ATF6: variants seen among roughly 807,000 people sequenced by gnomAD.
The protein encoded by ATF6 is activating transcription factor 6, also known as cyclic AMP-dependent transcription factor ATF-6 alpha.
ATF6 carries 53 observed loss-of-function variants against 83.6 expected under a neutral mutation model. That is an observed-to-expected ratio of 0.63 (90% CI 0.51 to 0.80). The LOEUF (loss-of-function observed/expected upper bound fraction) is 0.80. ATF6 is among the 30% of genes least tolerant of loss of function. ATF6 has a pLI of 0.00. For missense variants in ATF6, 744 were observed against 797.9 expected (o/e 0.93, Z 0.81); for synonymous variants, 288 against 285.8 (o/e 1.01, Z -0.08).
At chr1:161,848,880 T>G (rs1294597962) in intron 10 of ATF6, among the ~76,000 whole-genome samples, 2 of 152,102 alleles carry the variant, frequency 1.3e-5, no homozygotes, top group African/African-American at 4.8e-5. Flanking sequence ...TGGCTGATTT[T>G]CTCTCTCCTT....
chr1:161,907,874 A>C (rs983147683), intron 14 of ATF6, among the ~76,000 whole-genome samples: 1 of 152,200 alleles, frequency 6.6e-6, no homozygotes, highest in Admixed American at 6.5e-5. Context: ...ATCAGCAACC[A>C]TAATTTCCAG....
rs778818481 is a variant in ATF6 at position 161,783,979 on chromosome 1, A to C, written c.248-11A>C. 1.3e-6 allele frequency: 2 copies of C among 1,574,174 alleles called. No homozygotes were observed. Among genetic ancestry groups the C allele is most frequent in the Admixed American group, 3.4e-5 (2 of 59,536 alleles). On this transcript the variant is annotated splice_polypyrimidine_tract_variant and intron_variant, in intron 3 of 15. Transcript: ENST00000367942. The stretch of plus-strand genomic sequence containing the variant: ...GTCCAGTGGGTAAAACCTTTCCTCC[A>C]TGTTTTCCAGTTAAAGATATTAAGG...
Position 161,960,082 on chromosome 1 carries a change from C to T in ATF6, c.*1428C>T, listed in dbSNP as rs1463192467. 2.7e-5 allele frequency: 2 copies of T among 74,892 alleles called. No homozygotes were observed. The highest frequency in any genetic ancestry group is 5.9e-5 in the Non-Finnish European group (2 of 33,954). The allele number at this position is 74,892 out of a possible 1,614,324, so 4.6% of individuals were successfully genotyped here. ...GAAGGAATTAAATCTTTTGTCCTCC[C>T]ATGGTTAAAAAAAAAAAAAAAGCTG... is the stretch of plus-strand genomic sequence containing the variant. On this transcript the variant is annotated 3_prime_UTR_variant, in exon 16 of 16. Transcript: ENST00000367942.
intron 1 of ATF6, among the ~76,000 whole-genome samples, chr1:161,769,357 G>T (rs1426084022): frequency 6.6e-6 from 1 of 152,152 alleles, no homozygotes; most frequent in Non-Finnish European, 1.5e-5. Context: ...GTAACATCTT[G>T]CATTAGTGTG....
chr1:161,926,064 C>A (rs1345274611), intron 15 of ATF6, among the ~76,000 whole-genome samples: 1 of 152,064 alleles, frequency 6.6e-6, no homozygotes, highest in Non-Finnish European at 1.5e-5. Flanking sequence ...TAATGGGGAA[C>A]TATTAAAATA....
chr1:161,885,615 A>C (rs770668047), intron 14 of ATF6, among the ~76,000 whole-genome samples: 10 of 152,080 alleles, frequency 6.6e-5, no homozygotes, highest in Non-Finnish European at 1.5e-4. Context: ...TTTTCAGAGG[A>C]AAAAAGAAAA....
chr1:161,960,833 C>A lies in ATF6; in HGVS notation c.*2179C>A, dbSNP rs1238926579. ...CTTATCATGGGATATTTCTTCTGGC[C>A]CTGCCCCTTCCCATTCTGTAATGTG... On this transcript the variant is annotated 3_prime_UTR_variant, in exon 16 of 16. Coordinates refer to ENST00000367942, the MANE Select transcript of ATF6 (RefSeq NM_007348.4). 1.3e-5 allele frequency: 2 copies of A among 151,926 alleles called. No homozygotes were observed. The highest frequency in any genetic ancestry group is 4.8e-5 in the African/African-American group (2 of 41,404). The allele number at this position is 151,926 out of a possible 1,614,324, so 9.4% of individuals were successfully genotyped here.
rs1257563914 is a variant in ATF6, at chr1:161,962,087, A to G, written c.*3433A>G. 6.6e-6 allele frequency: 1 copy of G among 151,990 alleles called. No homozygotes were observed. Among genetic ancestry groups the G allele is most frequent in the Non-Finnish European group, 1.5e-5 (1 of 68,006 alleles). The allele number at this position is 151,990 out of a possible 1,614,324, so 9.4% of individuals were successfully genotyped here. The stretch of plus-strand genomic sequence containing the variant: ...GTGGGATTTGTGTTTTCACAAGTAA[A>G]AAATCCCTCACGATTATAAAACTCA... On this transcript the variant is annotated 3_prime_UTR_variant, in exon 16 of 16. Coordinates refer to ENST00000367942, the MANE Select transcript of ATF6 (RefSeq NM_007348.4).
chr1:161,791,086 C>CTGTG (rs758372809), intron 4 of ATF6, among the ~76,000 whole-genome samples: 1,882 of 86,236 alleles, frequency 0.022, 18 homozygotes, highest in South Asian at 0.042. Context: ...GTGTGTGTCT[C>CTGTG]TGTGTGTGTG....
intron 8 of ATF6, among the ~76,000 whole-genome samples, chr1:161,820,214 T>C (rs192050440): frequency 7.9e-5 from 12 of 152,366 alleles, no homozygotes; most frequent in Admixed American, 6.5e-4. Flanking sequence ...TCTGTTACTA[T>C]GCTGACTCCA....
chr1:161,882,829 G>T (rs535417452), intron 14 of ATF6, among the ~76,000 whole-genome samples: 33 of 151,716 alleles, frequency 2.2e-4, no homozygotes, highest in African/African-American at 7.5e-4. Flanking sequence ...TTCCTGGGTT[G>T]TTGAGAGGTT....
intron 14 of ATF6, among the ~76,000 whole-genome samples, chr1:161,886,598 G>C (rs1295786966): frequency 1.3e-5 from 2 of 152,124 alleles, no homozygotes; most frequent in Non-Finnish European, 2.9e-5. Context: ...TACTTGATCT[G>C]CATCACCAAC....
intron 14 of ATF6, among the ~76,000 whole-genome samples, chr1:161,896,293 C>T (rs570039010): frequency 2.0e-5 from 3 of 152,310 alleles, no homozygotes; most frequent in African/African-American, 7.2e-5. Flanking sequence ...AACAGGGTTT[C>T]TTCACATTGG....
At chr1:161,874,599 A>G (rs748763762) in intron 14 of ATF6, among the ~76,000 whole-genome samples, 24 of 151,622 alleles carry the variant, frequency 1.6e-4, no homozygotes, top group Non-Finnish European at 3.0e-4. Flanking sequence ...GAAGTTCAAT[A>G]AATTTTATTC....
chr1:161,864,538 T>C (rs1686950463), intron 14 of ATF6, among the ~76,000 whole-genome samples: 1 of 152,222 alleles, frequency 6.6e-6, no homozygotes, highest in Non-Finnish European at 1.5e-5. Flanking sequence ...TATAAATATC[T>C]AGCAGCTCAG....
chr1:161,814,302 C>T (rs192842987), intron 7 of ATF6, among the ~76,000 whole-genome samples: 26 of 152,324 alleles, frequency 1.7e-4, no homozygotes, highest in South Asian at 1.4e-3. Context: ...CTCTATTCTT[C>T]AAGAGGCTGT....
At chr1:161,906,731 A>G (rs946644811) in intron 14 of ATF6, among the ~76,000 whole-genome samples, 2 of 152,140 alleles carry the variant, frequency 1.3e-5, no homozygotes, top group African/African-American at 4.8e-5. Flanking sequence ...AATAGTTTTG[A>G]TTTATTCTTC....
At chr1:161,785,333 C>T (rs1684720301) in intron 4 of ATF6, among the ~76,000 whole-genome samples, 1 of 152,138 alleles carries the variant, frequency 6.6e-6, no homozygotes, top group Admixed American at 6.5e-5. Flanking sequence ...TGAAGCTTTT[C>T]TCTGATTGCT....
At chr1:161,926,797 GCAGAA>G (rs1000981225) in intron 15 of ATF6, among the ~76,000 whole-genome samples, 5 of 152,046 alleles carry the variant, frequency 3.3e-5, no homozygotes, top group Non-Finnish European at 7.4e-5. Context: ...AGATAAGAGG[GCAGAA>G]CACTCCACCT....
Sources: gnomAD v4.1 joint callset for allele counts (sites outside exome capture counted in the v4.1 genomes callset) on GRCh38, gnomAD v4.1.1 for gene constraint, MANE v1.5 for transcripts, NCBI Gene and HGNC (gene_info 2026-07-23, HGNC 2026-07-21) for gene names.